Variants in ANKRD36C observed in about 807,000 individuals in gnomAD.
ANKRD36C encodes ankyrin repeat domain-containing protein 36C.
Under a neutral mutation model 276.4 loss-of-function variants are expected in ANKRD36C, and 61 were observed. That is an observed-to-expected ratio of 0.22 (90% confidence interval 0.18 to 0.27). The LOEUF (loss-of-function observed/expected upper bound fraction) is 0.27. ANKRD36C is among the 10% of genes least tolerant of loss of function. The probability of loss-of-function intolerance (pLI) is 1.00; values close to 1 mark genes in which losing one functional copy is unlikely to be tolerated. For synonymous variants in ANKRD36C, 483 were observed against 680.1 expected, an observed-to-expected ratio of 0.71 and a Z score of 4.51; for missense variants, 1,447 against 2,032.3, an observed-to-expected ratio of 0.71 and a Z score of 5.54.
rs757782323 is a variant in ANKRD36C at position 95,856,194 on chromosome 2, AG to A, written c.4081-15del. ...AGTTTCAGAAACCTAAGTAAAACAA[AG>A]CAAACTTGTAACTAGTATCCAATAG... On this transcript the variant is annotated splice_polypyrimidine_tract_variant and intron_variant, in intron 62 of 66. Coordinates refer to ENST00000456556, the Ensembl canonical transcript of ANKRD36C. 35 of 1,566,396 alleles carry A rather than the reference AG, an allele frequency of 2.2e-5. No individual in the cohort carries two copies. The South Asian group carries it at 2.4e-4, about 11-fold the overall frequency.
At chr2:95,973,080 G>A (rs2104524136) in intron 6 of ANKRD36C, among the ~76,000 whole-genome samples, 1 of 151,948 alleles carries the variant, frequency 6.6e-6, no homozygotes, top group Admixed American at 6.6e-5. Flanking sequence ...AACAACCATT[G>A]CACTCCAGCC....
At chr2:95,874,363 G>A (rs1271869324) in intron 59 of ANKRD36C, among the ~76,000 whole-genome samples, 5 of 152,296 alleles carry the variant, frequency 3.3e-5, no homozygotes, top group African/African-American at 9.6e-5. Flanking sequence ...AGAGCCCTCA[G>A]AAATAACGCC....
At chr2:95,889,825 G>T (rs1467949327) in exon 48 of ANKRD36C, 1 of 1,598,194 alleles carries the variant, frequency 6.3e-7, no homozygotes, top group Admixed American at 1.7e-5. Context: ...TTCATCCTTT[G>T]TTTCTGTGGC....
intron 1 of ANKRD36C, among the ~76,000 whole-genome samples, chr2:95,988,789 A>C (rs1173791955): frequency 6.6e-6 from 1 of 152,204 alleles, no homozygotes; most frequent in Non-Finnish European, 1.5e-5. Context: ...AAATCTATGC[A>C]TAATAAAATA....
chr2:95,915,026 C>G (rs906552570), intron 38 of ANKRD36C, among the ~76,000 whole-genome samples: 12 of 151,600 alleles, frequency 7.9e-5, no homozygotes, highest in South Asian at 6.2e-4. Flanking sequence ...TGACATATTT[C>G]TACAAAGTAA....
chr2:95,897,068 G>C (rs533466217), intron 44 of ANKRD36C, among the ~76,000 whole-genome samples: 1 of 149,948 alleles, frequency 6.7e-6, no homozygotes, highest in Non-Finnish European at 1.5e-5. Context: ...TTTCAATATG[G>C]GGAAGTGTAT....
intron 19 of ANKRD36C, among the ~76,000 whole-genome samples, chr2:95,942,354 C>T (rs1216827328): frequency 1.3e-5 from 2 of 152,310 alleles, no homozygotes; most frequent in Admixed American, 1.3e-4. Flanking sequence ...TTAATGTATG[C>T]AGATATTTAT....
chr2:95,892,850 C>T (rs1676414917), intron 44 of ANKRD36C, among the ~76,000 whole-genome samples: 1 of 151,324 alleles, frequency 6.6e-6, no homozygotes, highest in Non-Finnish European at 1.5e-5. Flanking sequence ...ATCAACAAAA[C>T]ATGTATCTCT....
At chr2:95,984,281 T>G (rs926524414) in intron 3 of ANKRD36C, among the ~76,000 whole-genome samples, 5 of 151,688 alleles carry the variant, frequency 3.3e-5, no homozygotes, top group Non-Finnish European at 5.9e-5. Context: ...GTAGGCACAG[T>G]AGCAAAATGG....
At chr2:95,872,137 GA>G (rs1461781874) in intron 59 of ANKRD36C, among the ~76,000 whole-genome samples, 1 of 146,614 alleles carries the variant, frequency 6.8e-6, no homozygotes, top group Non-Finnish European at 1.5e-5. Context: ...GGAGACCCAG[GA>G]ATTGAACTCA....
intron 30 of ANKRD36C, among the ~76,000 whole-genome samples, chr2:95,925,000 C>T (rs914532162): frequency 5.9e-5 from 9 of 151,630 alleles, no homozygotes; most frequent in Non-Finnish European, 8.9e-5. Flanking sequence ...GCAGTACCAT[C>T]TGACATCTAT....
chr2:95,890,072 T>G, intron 46 of ANKRD36C, 78 bp from the exon 67 acceptor site: 1 of 1,522,466 alleles, frequency 6.6e-7, no homozygotes, highest in Non-Finnish European at 9.1e-7. Context: ...AGTGTTAGCA[T>G]CAATCTCTGT....
At chr2:95,921,722 G>A (rs1213357591) in intron 33 of ANKRD36C, 43 bp from the exon 34 acceptor site, 41 of 1,586,378 alleles carry the variant, frequency 2.6e-5, no homozygotes, top group East Asian at 1.2e-4. Context: ...ATAAATAAAT[G>A]AAGCATGTTT....
At chr2:95,955,452 C>A (rs1466474997) in intron 13 of ANKRD36C, among the ~76,000 whole-genome samples, 1 of 152,246 alleles carries the variant, frequency 6.6e-6, no homozygotes, top group Non-Finnish European at 1.5e-5. Flanking sequence ...TTTCCCTTAT[C>A]TTTATCAAAC....
Position 95,913,735 on chromosome 2 carries a change from C to G in ANKRD36C, c.2551+373G>C, listed in dbSNP as rs191152717. 1.5e-4 allele frequency among the ~76,000 whole-genome samples: 23 copies of G among 151,516 alleles called. No homozygotes were observed. In the East Asian group the frequency reaches 4.3e-3, roughly 28 times the overall value. On this transcript the variant is annotated intron_variant, in intron 40 of 66. Transcript: ENST00000456556. Reference sequence around the variant, plus strand: ...GTGTCTATGGGTTGTTACAAGCTTTCTGTCTTTTCTTGGCAGTATGATCTG... The same window carrying G: ...GTGTCTATGGGTTGTTACAAGCTTTGTGTCTTTTCTTGGCAGTATGATCTG...
chr2:95,925,775 G>A (rs1384212568), intron 28 of ANKRD36C, among the ~76,000 whole-genome samples: 1 of 151,550 alleles, frequency 6.6e-6, no homozygotes, highest in African/African-American at 2.4e-5. Flanking sequence ...GGTATTATGT[G>A]TCATGTGTGT....
At position 95,889,912 on chromosome 2, in the gene ANKRD36C, T is replaced by C. The variant is rs559079805; in HGVS notation, c.2887-41A>G. Reference sequence around the variant, plus strand: ...AACACAACAGTCAATAAATAAAGTATGTTTCATAGACTATACAGTTAATAG... The same window carrying C: ...AACACAACAGTCAATAAATAAAGTACGTTTCATAGACTATACAGTTAATAG... On this transcript the variant is annotated intron_variant, in intron 47 of 66. Coordinates refer to ENST00000456556, the Ensembl canonical transcript of ANKRD36C. The C allele has an allele frequency of 8.1e-6, 13 of 1,608,680 alleles. No individual in the cohort carries two copies. The East Asian group carries it at 2.9e-4, about 36-fold the overall frequency.
intron 6 of ANKRD36C, among the ~76,000 whole-genome samples, chr2:95,965,028 A>G (rs1390908260): frequency 6.6e-6 from 1 of 151,922 alleles, no homozygotes; most frequent in South Asian, 2.1e-4. Context: ...ACTTGAAAAC[A>G]TGTCAGTAAT....
At chr2:95,916,639 TG>T (rs769741391) in intron 36 of ANKRD36C, among the ~76,000 whole-genome samples, 15 of 151,794 alleles carry the variant, frequency 9.9e-5, no homozygotes, top group Admixed American at 5.2e-4. Context: ...ACAATTCCGA[TG>T]ACCCTTCAGT....
Sources: allele counts gnomAD v4.1 joint callset (sites outside exome capture counted in the v4.1 genomes callset), GRCh38; gene constraint gnomAD v4.1.1; transcripts MANE v1.5; gene names NCBI Gene and HGNC (gene_info 2026-07-23, HGNC 2026-07-21).